The following COG5 variants were observed in gnomAD, a reference collection of about 807,000 sequenced individuals.
COG5 encodes component of oligomeric golgi complex 5.
In COG5, 86 loss-of-function variants were observed where a neutral mutation model predicts 110.4. The observed-to-expected ratio is 0.78, with a 90% CI of 0.65 to 0.93. The LOEUF (loss-of-function observed/expected upper bound fraction) is 0.93, where lower values mean the gene tolerates loss of function less well. COG5 is among the 40% of genes least tolerant of loss of function. The pLI is 0.00. For missense variants in COG5, 1,077 were observed against 987.0 expected, an observed-to-expected ratio of 1.09 and a Z score of -1.22; for synonymous variants, 360 against 334.6, an observed-to-expected ratio of 1.08 and a Z score of -0.83.
intron 6 of COG5, among the ~76,000 whole-genome samples, chr7:107,507,444 C>G (rs554621980): frequency 2.0e-4 from 30 of 150,412 alleles, no homozygotes; most frequent in Non-Finnish European, 3.7e-4. Flanking sequence ...CAGGCACCCA[C>G]CACCATGCCC....
chr7:107,415,780 A>G (rs149956858), intron 6 of COG5, among the ~76,000 whole-genome samples: 1,596 of 140,824 alleles, frequency 0.011, 64 homozygotes, highest in African/African-American at 0.039. Flanking sequence ...ATATACACAC[A>G]CATACACGTA....
intron 7 of COG5, 105 bp downstream of exon 7, chr7:107,412,397 G>GATATATTACTATAAGAC: frequency 2.0e-6 from 2 of 1,016,936 alleles, no homozygotes; most frequent in South Asian, 2.8e-5. Context: ...CTTTCTCAGT[G>GATATATTACTATAAGAC]ATATATTACT....
intron 6 of COG5, among the ~76,000 whole-genome samples, chr7:107,482,703 ATGT>A (rs140884363): frequency 0.015 from 2,254 of 152,272 alleles, 57 homozygotes; most frequent in African/African-American, 0.052. Flanking sequence ...AAGAAATATA[ATGT>A]TGTTTCTTTA....
At chr7:107,412,745 G>C (rs988986016) in intron 6 of COG5, 113 bp from the exon 7 acceptor site, 4 of 678,440 alleles carry the variant, frequency 5.9e-6, no homozygotes, top group African/African-American at 5.6e-5. Context: ...TATTAAACAG[G>C]GTTGCCATTC....
At chr7:107,321,875 A>C (rs1466808839) in intron 11 of COG5, among the ~76,000 whole-genome samples, 1 of 152,170 alleles carries the variant, frequency 6.6e-6, no homozygotes, top group East Asian at 1.9e-4. Flanking sequence ...TTTGATCAGG[A>C]TTTAAAACTT....
chr7:107,479,548 T>C (rs900043722), intron 6 of COG5, among the ~76,000 whole-genome samples: 6 of 152,060 alleles, frequency 3.9e-5, no homozygotes, highest in Admixed American at 2.6e-4. Flanking sequence ...AGTCAATATT[T>C]ACTAACTAGC....
intron 6 of COG5, among the ~76,000 whole-genome samples, chr7:107,469,008 AAATTTAATTTAAATTT>A (rs1308795971): frequency 4.0e-5 from 6 of 149,664 alleles, no homozygotes; most frequent in South Asian, 2.1e-4. Context: ...TTTTAATATT[AAATTTAATTTAAATTT>A]AATTTAATTT....
Position 107,202,532 on chromosome 7 carries a change from TCTA to T in COG5, c.*981_*983del, listed in dbSNP as rs754259100. On this transcript the variant is annotated 3_prime_UTR_variant, in exon 22 of 22. Transcript: ENST00000297135. ...AAAAAAAAGTTGCTTATCTCTGACG[TCTA>T]CTGATTGATTGATTGATTGATTAAT... The T allele has an allele frequency of 7.9e-5, 12 of 152,018 alleles. No homozygotes were observed. Among genetic ancestry groups the T allele is most frequent in the Non-Finnish European group, 1.5e-4 (10 of 67,782 alleles). 9.4% of individuals were successfully genotyped at this position (152,018 alleles called of 1,614,324 possible). A position where few individuals can be genotyped will look rare whatever the true frequency, so the allele number is the denominator to read the frequency against.
rs1383787494 is a variant in COG5, at chr7:107,398,820, C to T, written c.669+13682G>A. Among the ~76,000 whole-genome samples, 5 of 152,098 alleles carry T rather than the reference C, an allele frequency of 3.3e-5. No homozygotes were observed. The East Asian group carries it at 9.6e-4, about 29-fold the overall frequency. ...CTGGGTTTGGGGGTAGGAGGAGGAA[C>T]TGACTACAAACAAGCATGAAGGAAC... is the stretch of plus-strand genomic sequence containing the variant. On this transcript the variant is annotated intron_variant, in intron 7 of 21. Transcript: ENST00000297135.
At chr7:107,294,921 G>GTA (rs1222349255) in intron 12 of COG5, among the ~76,000 whole-genome samples, 45 of 59,192 alleles carry the variant, frequency 7.6e-4, no homozygotes, top group Admixed American at 2.1e-3. Context: ...GTGTGTGTGT[G>GTA]TGTATATATA....
chr7:107,538,164 C>T (rs1270279041), intron 5 of COG5, among the ~76,000 whole-genome samples: 1 of 152,160 alleles, frequency 6.6e-6, no homozygotes, highest in Admixed American at 6.5e-5. Context: ...TTTGTAACCA[C>T]ATGTACAGTA....
chr7:107,504,653 T>C (rs1480809000), intron 6 of COG5, among the ~76,000 whole-genome samples: 2 of 152,188 alleles, frequency 1.3e-5, no homozygotes, highest in Non-Finnish European at 2.9e-5. Flanking sequence ...TGGCAATTTT[T>C]TTTATTACTG....
chr7:107,403,919 A>ATTC (rs1791624623), intron 7 of COG5, among the ~76,000 whole-genome samples: 1 of 152,014 alleles, frequency 6.6e-6, no homozygotes, highest in African/African-American at 2.4e-5. Context: ...TATTATTATT[A>ATTC]TTACTATTTT....
intron 12 of COG5, among the ~76,000 whole-genome samples, chr7:107,294,512 C>T (rs1806434183): frequency 6.6e-6 from 1 of 152,042 alleles, no homozygotes; most frequent in African/African-American, 2.4e-5. Context: ...TTTATCAGTT[C>T]ACATCATTCC....
At chr7:107,407,936 T>C (rs1439406983) in intron 7 of COG5, among the ~76,000 whole-genome samples, 1 of 152,148 alleles carries the variant, frequency 6.6e-6, no homozygotes, top group Non-Finnish European at 1.5e-5. Context: ...AGCAAAGTTG[T>C]TGAAGAATTT....
chr7:107,281,364 G>A lies in COG5; in HGVS notation c.1511C>T (p.Thr504Ile). The A allele has an allele frequency of 1.2e-6, 2 of 1,613,452 alleles. No homozygotes were observed. Among genetic ancestry groups the A allele is most frequent in the African/African-American group, 1.3e-5 (1 of 75,018 alleles). ...TGCCACATTTTTTGACACAGCTAAT[G>A]TGAGGTTTGTATCAACAGCAGCAAC... ...LNVAAVDTNL[T>I]LAVSKNVAKT... Residue 504 changes from threonine to isoleucine, a missense_variant, in exon 14 of 22, where the codon ACA (threonine) becomes ATA (isoleucine). By Grantham distance (89) the Thr-to-Ile change is moderately conservative (BLOSUM62 -1). Transcript: ENST00000297135.
chr7:107,396,423 T>G (rs993172353), intron 7 of COG5, among the ~76,000 whole-genome samples: 25 of 151,034 alleles, frequency 1.7e-4, no homozygotes, highest in African/African-American at 6.1e-4. Context: ...AAAAAGGAAA[T>G]TTAATAGTAC....
chr7:107,559,544 G>A (rs1413011744), intron 1 of COG5, among the ~76,000 whole-genome samples: 1 of 152,150 alleles, frequency 6.6e-6, no homozygotes, highest in African/African-American at 2.4e-5. Context: ...CACATGGCAG[G>A]TTCCATGAAT....
intron 11 of COG5, among the ~76,000 whole-genome samples, chr7:107,302,616 T>G (rs1479067607): frequency 2.0e-5 from 3 of 152,178 alleles, no homozygotes; most frequent in Non-Finnish European, 2.9e-5. Context: ...AAAGCAGCAA[T>G]GCACCATGGG....
Sources: allele counts gnomAD v4.1 joint callset (sites outside exome capture counted in the v4.1 genomes callset), GRCh38; gene constraint gnomAD v4.1.1; transcripts MANE v1.5; gene names NCBI Gene and HGNC (gene_info 2026-07-23, HGNC 2026-07-21).